CRACDL: variants seen among roughly 807,000 people sequenced by gnomAD.
CRACDL encodes CRACD like.
Under a neutral mutation model 70.6 loss-of-function variants are expected in CRACDL, and 26 were observed. The observed-to-expected ratio is 0.37, with a 90% confidence interval of 0.27 to 0.51. The LOEUF (loss-of-function observed/expected upper bound fraction) is 0.51, where lower values mean the gene tolerates loss of function less well. CRACDL is among the 20% of genes least tolerant of loss of function. The pLI, the probability that CRACDL is intolerant of heterozygous loss-of-function variation, is 0.94. For synonymous variants in CRACDL, 618 were observed against 615.2 expected (o/e 1.00, Z -0.07); for missense variants, 1,283 against 1,376.9 (o/e 0.93, Z 1.08).
chr2:98,906,823 T>G (rs1385813159), intron 1 of CRACDL, among the ~76,000 whole-genome samples: 1 of 152,218 alleles, frequency 6.6e-6, no homozygotes, highest in Non-Finnish European at 1.5e-5. Flanking sequence ...GGCAGAGAGT[T>G]AGTTGACTGG....
intron 2 of CRACDL, among the ~76,000 whole-genome samples, chr2:98,846,358 A>G (rs1252073909): frequency 6.6e-6 from 1 of 152,160 alleles, no homozygotes; most frequent in Non-Finnish European, 1.5e-5. Context: ...TGATCAGGCT[A>G]TCAGGTACTT....
intron 7 of CRACDL, among the ~76,000 whole-genome samples, chr2:98,801,690 G>T (rs1449571220): frequency 6.6e-6 from 1 of 152,204 alleles, no homozygotes; most frequent in Non-Finnish European, 1.5e-5. Flanking sequence ...TGGTGTGATT[G>T]TGAAGATTGG....
intron 9 of CRACDL, 136 bp downstream of exon 9, chr2:98,795,984 T>C (rs72827737): frequency 3.2e-5 from 25 of 781,208 alleles, no homozygotes; most frequent in Non-Finnish European, 5.1e-5. Context: ...ACGTAAATTG[T>C]ATCTCCGTAA....
chr2:98,899,444 C>G (rs1708208856), intron 1 of CRACDL, among the ~76,000 whole-genome samples: 1 of 152,226 alleles, frequency 6.6e-6, no homozygotes, highest in African/African-American at 2.4e-5. Flanking sequence ...AGTGCAGGAG[C>G]AGGTGCCAAG....
chr2:98,862,623 A>G (rs955294901), intron 1 of CRACDL, among the ~76,000 whole-genome samples: 1 of 152,236 alleles, frequency 6.6e-6, no homozygotes, highest in Non-Finnish European at 1.5e-5. Context: ...CTGGGAGGTG[A>G]AAAGAACAAT....
intron 1 of CRACDL, among the ~76,000 whole-genome samples, chr2:98,868,241 A>G (rs1707220570): frequency 6.6e-6 from 1 of 152,046 alleles, no homozygotes; most frequent in South Asian, 2.1e-4. Context: ...GTCTGCCCCA[A>G]CTCCCAGAGC....
At chr2:98,851,176 TA>T (rs1706467328) in intron 1 of CRACDL, among the ~76,000 whole-genome samples, 1 of 152,148 alleles carries the variant, frequency 6.6e-6, no homozygotes, top group Non-Finnish European at 1.5e-5. Flanking sequence ...TTGTCATCAA[TA>T]ACTTGTTTGG....
At chr2:98,846,911 A>G in intron 1 of CRACDL, 101 bp from the exon 2 acceptor site, 5 of 950,128 alleles carry the variant, frequency 5.3e-6, no homozygotes, top group Non-Finnish European at 8.5e-6. Flanking sequence ...TCTGGCCTGC[A>G]CACACCCCAG....
chr2:98,930,919 A>T (rs1430065467), intron 1 of CRACDL, among the ~76,000 whole-genome samples: 1 of 152,134 alleles, frequency 6.6e-6, no homozygotes, highest in Non-Finnish European at 1.5e-5. Context: ...TTTGTCATAC[A>T]GCACCTCATG....
chr2:98,872,314 C>T (rs1427385987), intron 1 of CRACDL, among the ~76,000 whole-genome samples: 1 of 152,172 alleles, frequency 6.6e-6, no homozygotes, highest in Admixed American at 6.5e-5. Flanking sequence ...GCTGAGATCG[C>T]ACCACTGCAC....
intron 1 of CRACDL, among the ~76,000 whole-genome samples, chr2:98,854,184 G>A (rs553493622): frequency 1.3e-5 from 2 of 150,736 alleles, no homozygotes; most frequent in African/African-American, 2.4e-5. Flanking sequence ...GGGAGGCTGA[G>A]GCGGGAGAAG....
At position 98,822,298 on chromosome 2, in the gene CRACDL, C is replaced by A; in HGVS notation, c.1975G>T (p.Ala659Ser). Residue 659 changes from alanine to serine, a missense_variant, in exon 7 of 10, where the codon GCC (alanine) becomes TCC (serine). By Grantham distance (99) the Ala-to-Ser change is moderately conservative (BLOSUM62 1). Transcript: ENST00000397899. This position sits in a 1 kb window ranked among gnomAD's most constrained non-coding sequence, Gnocchi z 4.9. ...GPRKSPQEAA[A>S]APGTREPCPA... ...CAGGGCTCTCTCGTGCCGGGCGCGG[C>A]GGCCGCCTCCTGAGGGCTCTTGCGC... 1 of 1,526,024 alleles carries A rather than the reference C, an allele frequency of 6.6e-7. No homozygotes were observed. Among genetic ancestry groups the A allele is most frequent in the South Asian group, 1.2e-5 (1 of 81,432 alleles). 94.5% of individuals were successfully genotyped at this position (1,526,024 alleles called of 1,614,324 possible). A position where few individuals can be genotyped will look rare whatever the true frequency, so the allele number is the denominator to read the frequency against.
At chr2:98,806,707 A>G (rs534971229) in intron 7 of CRACDL, among the ~76,000 whole-genome samples, 26 of 152,380 alleles carry the variant, frequency 1.7e-4, no homozygotes, top group African/African-American at 5.8e-4. Context: ...GGGGAGGGAA[A>G]GGCACTGTTA....
At chr2:98,861,343 AAACAAC>A (rs200078188) in intron 1 of CRACDL, among the ~76,000 whole-genome samples, 3 of 152,038 alleles carry the variant, frequency 2.0e-5, no homozygotes, top group Admixed American at 6.6e-5. Context: ...CAGGTCTCAA[AAACAAC>A]AACAACAACA....
chr2:98,796,138 A>G lies in CRACDL; in HGVS notation c.2731T>C (p.Leu911=), dbSNP rs747933536. The change falls in exon 9 of 10, where the codon TTG becomes CTG. Residue 911 remains leucine (L), a synonymous_variant. Coordinates refer to ENST00000397899, the MANE Select transcript of CRACDL (RefSeq NM_207362.3). ...TTCATACCCAAGTTCTGATGGGACAATGAGATTCCTCTTTGCAGCCCCTCC... is the reference window on the plus strand; with the variant it reads ...TTCATACCCAAGTTCTGATGGGACAGTGAGATTCCTCTTTGCAGCCCCTCC... The part of the protein sequence containing the change: ...FKEGLQRGIS[L]SHQNLAQSAV... 5 of 1,614,204 alleles carry G rather than the reference A, an allele frequency of 3.1e-6. No homozygotes were observed. The highest frequency in any genetic ancestry group is 1.1e-5 in the South Asian group (1 of 91,082).
chr2:98,871,479 A>C (rs1275908877), intron 1 of CRACDL, among the ~76,000 whole-genome samples: 1 of 152,164 alleles, frequency 6.6e-6, no homozygotes, highest in Non-Finnish European at 1.5e-5. Flanking sequence ...AGTCAGTGGA[A>C]TGTCCGACCC....
intron 1 of CRACDL, among the ~76,000 whole-genome samples, chr2:98,933,576 T>C (rs1709136342): frequency 6.6e-6 from 1 of 152,062 alleles, no homozygotes; most frequent in Non-Finnish European, 1.5e-5. Context: ...CCTGGGCAGG[T>C]TTCCACCCAG....
At chr2:98,864,832 C>T (rs940405113) in intron 1 of CRACDL, among the ~76,000 whole-genome samples, 2 of 152,190 alleles carry the variant, frequency 1.3e-5, no homozygotes, top group African/African-American at 4.8e-5. Flanking sequence ...CAGGCATGAA[C>T]CACTGCGCCT....
intron 1 of CRACDL, among the ~76,000 whole-genome samples, chr2:98,899,348 TCCTCATAG>T (rs1708207139): frequency 1.3e-5 from 2 of 152,046 alleles, no homozygotes; most frequent in African/African-American, 2.4e-5. Context: ...TACACAAGAG[TCCTCATAG>T]GACCTTGTAG....
Sources: allele counts gnomAD v4.1 joint callset (sites outside exome capture counted in the v4.1 genomes callset), GRCh38; gene constraint gnomAD v4.1.1; non-coding constraint Gnocchi (gnomAD v3.1); transcripts MANE v1.5; gene names NCBI Gene and HGNC (gene_info 2026-07-23, HGNC 2026-07-21).